Variants in TSPAN14 observed in about 807,000 individuals in gnomAD.
TSPAN14 encodes tetraspanin 14.
In TSPAN14, 16 loss-of-function variants were observed where a neutral mutation model predicts 36.6. The observed-to-expected ratio is 0.44, with a 90% CI of 0.30 to 0.66. The LOEUF (loss-of-function observed/expected upper bound fraction) is 0.66. TSPAN14 is among the 30% of genes least tolerant of loss of function. The pLI is 0.12. For synonymous variants in TSPAN14, 139 were observed against 143.8 expected, an observed-to-expected ratio of 0.97 and a Z score of 0.24; for missense variants, 231 against 355.1, an observed-to-expected ratio of 0.65 and a Z score of 2.81.
intron 1 of TSPAN14, among the ~76,000 whole-genome samples, chr10:80,462,347 A>G (rs1564708021): frequency 1.7e-5 from 2 of 115,358 alleles, no homozygotes; most frequent in African/African-American, 4.9e-5. Context: ...AGGGCGTAGG[A>G]ATGGGGTGGG....
At chr10:80,485,717 C>A (rs920536926) in intron 1 of TSPAN14, 1 of 984,980 alleles carries the variant, frequency 1.0e-6, no homozygotes, top group Non-Finnish European at 1.2e-6. Flanking sequence ...CCTTCCCTCC[C>A]TGTCCCGAGG....
chr10:80,515,914 G>A, intron 7 of TSPAN14: 1 of 393,832 alleles, frequency 2.5e-6, no homozygotes, highest in South Asian at 4.3e-5. Flanking sequence ...CTCCAGATGT[G>A]GATGGTGGGG....
rs867348579 is a variant in TSPAN14 at position 80,475,846 on chromosome 10, G to A, written c.-17-13371G>A. 1.8e-4 allele frequency among the ~76,000 whole-genome samples: 27 copies of A among 152,094 alleles called. No homozygotes were observed. In the Middle Eastern group the frequency reaches 0.014, roughly 77 times the overall value. On this transcript the variant is annotated intron_variant, in intron 1 of 8. Transcript: ENST00000429989. ...GTGATCCACCTGCCTCGGCCTCCCA[G>A]AGTGCTGGGATTACAGGCATGAGCC... is the stretch of plus-strand genomic sequence containing the variant.
chr10:80,518,557 G>C (rs968010720), exon 9 of TSPAN14: 1 of 157,170 alleles, frequency 6.4e-6, no homozygotes, highest in African/African-American at 2.4e-5. Context: ...CCTCAGCCAT[G>C]TTCAAGTGAA....
intron 1 of TSPAN14, among the ~76,000 whole-genome samples, chr10:80,475,435 A>G (rs1340287454): frequency 6.6e-6 from 1 of 152,128 alleles, no homozygotes; most frequent in Non-Finnish European, 1.5e-5. Context: ...GTGTGGTGGT[A>G]CACACCTGTG....
chr10:80,461,907 A>G (rs1321939861), intron 1 of TSPAN14, among the ~76,000 whole-genome samples: 2 of 144,096 alleles, frequency 1.4e-5, no homozygotes, highest in Non-Finnish European at 3.0e-5. Flanking sequence ...GTGAGATCTC[A>G]TTTGTGCCTT....
intron 8 of TSPAN14, among the ~76,000 whole-genome samples, chr10:80,517,128 A>T (rs1321888714): frequency 6.6e-6 from 1 of 152,134 alleles, no homozygotes; most frequent in Non-Finnish European, 1.5e-5. Flanking sequence ...AAAGTGTTTG[A>T]CTCTGTTTTT....
chr10:80,498,174 A>G (rs1413908239), intron 2 of TSPAN14, among the ~76,000 whole-genome samples: 1 of 152,138 alleles, frequency 6.6e-6, no homozygotes, highest in Admixed American at 6.5e-5. Context: ...CAGCATTTCA[A>G]GTGGCCACAA....
intron 1 of TSPAN14, among the ~76,000 whole-genome samples, chr10:80,475,616 C>T (rs1304957849): frequency 6.6e-6 from 1 of 152,140 alleles, no homozygotes; most frequent in East Asian, 1.9e-4. Flanking sequence ...GAGACAGAGT[C>T]TCGCTCTGTT....
intron 1 of TSPAN14, among the ~76,000 whole-genome samples, chr10:80,477,986 C>T (rs1564719770): frequency 6.6e-6 from 1 of 152,148 alleles, no homozygotes; most frequent in Non-Finnish European, 1.5e-5. Flanking sequence ...AGAAACTTAG[C>T]CGCCCAAGGA....
intron 2 of TSPAN14, among the ~76,000 whole-genome samples, chr10:80,504,168 C>G (rs77581041): frequency 0.015 from 2,294 of 152,334 alleles, 51 homozygotes; most frequent in African/African-American, 0.052. Flanking sequence ...AGGGAGGAGG[C>G]TCAGCCCTGG....
chr10:80,455,364 G>A (rs1052428402), intron 1 of TSPAN14, among the ~76,000 whole-genome samples: 1 of 152,194 alleles, frequency 6.6e-6, no homozygotes, highest in African/African-American at 2.4e-5. Flanking sequence ...TGCTATCCGG[G>A]AGGTCAGGCG....
chr10:80,504,846 C>G, intron 3 of TSPAN14, 68 bp downstream of exon 3: 2 of 1,535,382 alleles, frequency 1.3e-6, no homozygotes, highest in Non-Finnish European at 1.8e-6. Context: ...ACTTCATTTT[C>G]CCTCCTCCAA....
At chr10:80,499,984 C>T (rs951288236) in intron 2 of TSPAN14, among the ~76,000 whole-genome samples, 2 of 152,200 alleles carry the variant, frequency 1.3e-5, no homozygotes, top group African/African-American at 4.8e-5. Flanking sequence ...GCAGCCAGGG[C>T]TCACAGCAGC....
Position 80,509,587 on chromosome 10 carries a change from G to A in TSPAN14, c.450+116G>A. On this transcript the variant is annotated intron_variant, in intron 5 of 8. Transcript: ENST00000429989. The surrounding 1 kb of genome is among the most constrained non-coding windows in gnomAD (Gnocchi z 4.7). ...TGGGTTGTCTGCCTGCAGCTTGGCA[G>A]ACAGCAGGGAGGCCGTGGAACAAGC... 2.6e-6 allele frequency: 3 copies of A among 1,132,092 alleles called. No individual in the cohort carries two copies. In the South Asian group the frequency reaches 4.6e-5, roughly 17 times the overall value. 70.1% of individuals were successfully genotyped at this position (1,132,092 alleles called of 1,614,324 possible).
At chr10:80,504,841 AT>A in intron 3 of TSPAN14, 63 bp downstream of exon 3, 1 of 1,556,002 alleles carries the variant, frequency 6.4e-7, no homozygotes, top group Non-Finnish European at 8.9e-7. Flanking sequence ...GTTGGACTTC[AT>A]TTTCCCTCCT....
chr10:80,514,950 AT>A (rs1242265692), intron 7 of TSPAN14, among the ~76,000 whole-genome samples: 3 of 152,164 alleles, frequency 2.0e-5, no homozygotes, highest in Admixed American at 2.0e-4. Context: ...GGTGCCATCC[AT>A]GAACCAGAAA....
intron 2 of TSPAN14, among the ~76,000 whole-genome samples, chr10:80,497,171 A>G (rs1179045779): frequency 1.3e-5 from 2 of 152,184 alleles, no homozygotes; most frequent in African/African-American, 4.8e-5. Context: ...GGGGATATAT[A>G]ATTTGTGTTA....
intron 2 of TSPAN14, among the ~76,000 whole-genome samples, chr10:80,503,523 C>A (rs1848644281): frequency 6.6e-6 from 1 of 151,942 alleles, no homozygotes; most frequent in Non-Finnish European, 1.5e-5. Context: ...GGGATTGGTT[C>A]TTGGTGGGGG....
Sources: allele counts gnomAD v4.1 joint callset (sites outside exome capture counted in the v4.1 genomes callset), GRCh38; gene constraint gnomAD v4.1.1; non-coding constraint Gnocchi (gnomAD v3.1); transcripts MANE v1.5; gene names NCBI Gene and HGNC (gene_info 2026-07-23, HGNC 2026-07-21).